ABAT: variants seen among roughly 807,000 people sequenced by gnomAD.
ABAT encodes 4-aminobutyrate aminotransferase, mitochondrial.
ABAT carries 45 observed loss-of-function variants against 64.6 expected under a neutral mutation model. The observed-to-expected ratio is 0.70, with a 90% CI of 0.55 to 0.89. ABAT has a LOEUF of 0.89. Ranked by LOEUF, ABAT falls within the 40% of genes least tolerant of loss-of-function variation. ABAT has a pLI of 0.00. For synonymous variants in ABAT, 297 were observed against 250.5 expected, an observed-to-expected ratio of 1.19 and a Z score of -1.75; for missense variants, 633 against 658.4, an observed-to-expected ratio of 0.96 and a Z score of 0.42.
chr16:8,751,115 AT>A (rs1297561454), intron 5 of ABAT, among the ~76,000 whole-genome samples: 3 of 151,572 alleles, frequency 2.0e-5, no homozygotes, highest in Non-Finnish European at 2.9e-5. Flanking sequence ...TGCCTATCTA[AT>A]TTTTGCATTT....
chr16:8,682,775 C>G (rs536290230), intron 1 of ABAT, among the ~76,000 whole-genome samples: 1 of 152,166 alleles, frequency 6.6e-6, no homozygotes, highest in Non-Finnish European at 1.5e-5. Flanking sequence ...ATTCTAGTAC[C>G]TTACTACTGA....
chr16:8,732,669 C>G (rs1454953113), intron 1 of ABAT, among the ~76,000 whole-genome samples: 1 of 151,416 alleles, frequency 6.6e-6, no homozygotes, highest in Non-Finnish European at 1.5e-5. Flanking sequence ...CTTTTCCCCA[C>G]CTTTCCCGCC....
chr16:8,763,093 A>C (rs1393122086), intron 6 of ABAT, among the ~76,000 whole-genome samples: 2 of 132,176 alleles, frequency 1.5e-5, no homozygotes, highest in African/African-American at 5.8e-5. Context: ...TGAGAGAGCA[A>C]GACCCTGTAA....
chr16:8,739,063 G>A (rs938058116), intron 2 of ABAT, among the ~76,000 whole-genome samples: 7 of 152,322 alleles, frequency 4.6e-5, no homozygotes, highest in Admixed American at 1.3e-4. Context: ...AGAGAGTCTG[G>A]CACAGATGAT....
intron 1 of ABAT, among the ~76,000 whole-genome samples, chr16:8,686,720 A>G (rs923356675): frequency 6.6e-6 from 1 of 152,168 alleles, no homozygotes; most frequent in African/African-American, 2.4e-5. Context: ...ACTGACCCAC[A>G]TGGACGCCTC....
rs1398701977 is a variant in ABAT at position 8,772,726 on chromosome 16, G to A, written c.817-54G>A. On this transcript the variant is annotated intron_variant, in intron 11 of 15. Coordinates refer to ENST00000268251, the MANE Select transcript of ABAT (RefSeq NM_020686.6). ...ATCGAACCCCAGATTCCCACCCACG[G>A]ATACTGGTCACAAGCCTCTGCCATC... 16 of 1,613,162 alleles carry A rather than the reference G, an allele frequency of 9.9e-6. No individual in the cohort carries two copies. In the East Asian group the frequency reaches 2.9e-4, roughly 29 times the overall value.
At chr16:8,685,275 C>G (rs8049263) in intron 1 of ABAT, among the ~76,000 whole-genome samples, 63,354 of 151,554 alleles carry the variant, frequency 0.42, 14,111 homozygotes, top group East Asian at 0.77. Context: ...AATGGAGACC[C>G]TGTCTCAAAA....
intron 1 of ABAT, chr16:8,722,821 G>A (rs1469417241): frequency 3.9e-6 from 5 of 1,289,024 alleles, no homozygotes; most frequent in Non-Finnish European, 5.1e-6. Flanking sequence ...ATCAAAGAGG[G>A]ATATACTAAT....
rs1280441328 is a variant in ABAT, at chr16:8,781,984, G to C, written c.*554G>C. On this transcript the variant is annotated 3_prime_UTR_variant, in exon 16 of 16. Coordinates refer to ENST00000268251, the MANE Select transcript of ABAT (RefSeq NM_020686.6). The surrounding 1 kb of genome is among the most constrained non-coding windows in gnomAD (Gnocchi z 4.5). ...TGAGGAAGGCCGTAAAATGGGGACA[G>C]GAGGATTCAGCTCAGGAGTAAGGGA... The C allele has an allele frequency of 5.4e-6, 1 of 184,922 alleles. No individual in the cohort carries two copies. The highest frequency in any genetic ancestry group is 2.3e-5 in the African/African-American group (1 of 42,772). The allele number at this position is 184,922 out of a possible 1,614,324, so 11.5% of individuals were successfully genotyped here. A position where few individuals can be genotyped will look rare whatever the true frequency, so the allele number is the denominator to read the frequency against.
intron 6 of ABAT, among the ~76,000 whole-genome samples, chr16:8,758,396 T>C (rs2059703804): frequency 6.6e-6 from 1 of 151,494 alleles, no homozygotes; most frequent in Non-Finnish European, 1.5e-5. Flanking sequence ...AGGCCACGAG[T>C]CGGGAGGAAT....
At chr16:8,761,788 G>A (rs2059804227) in intron 6 of ABAT, among the ~76,000 whole-genome samples, 1 of 152,038 alleles carries the variant, frequency 6.6e-6, no homozygotes, top group Non-Finnish European at 1.5e-5. Context: ...GCTTGTACAG[G>A]GCAGGTTCCT....
intron 1 of ABAT, among the ~76,000 whole-genome samples, chr16:8,701,126 C>T (rs1334592138): frequency 1.3e-5 from 2 of 152,024 alleles, no homozygotes; most frequent in Admixed American, 6.6e-5. Context: ...TTAGTAGAGA[C>T]GGGGTTTCAC....
At chr16:8,711,772 A>ATGGATGGG (rs1567279795) in intron 1 of ABAT, among the ~76,000 whole-genome samples, 16,643 of 115,626 alleles carry the variant, frequency 0.14, 1,187 homozygotes, top group Middle Eastern at 0.2. Flanking sequence ...AGATGGATGG[A>ATGGATGGG]TGGATGGATG....
Position 8,764,677 on chromosome 16 carries a change from G to A in ABAT, c.448-61G>A. On this transcript the variant is annotated intron_variant, in intron 7 of 15. Coordinates refer to ENST00000268251, the MANE Select transcript of ABAT (RefSeq NM_020686.6). This position sits in a 1 kb window ranked among gnomAD's most constrained non-coding sequence, Gnocchi z 4.2. ...CCTGCGAAGATTCAGCTCCAGCCAG[G>A]GGAAGCGGGAGGACAGGAGTCATGA... is the stretch of plus-strand genomic sequence containing the variant. 6 of 1,476,076 alleles carry A rather than the reference G, an allele frequency of 4.1e-6. 1 individual carries two copies. The South Asian group carries it at 6.8e-5, about 17-fold the overall frequency. The allele number at this position is 1,476,076 out of a possible 1,614,324, so 91.4% of individuals were successfully genotyped here. A position where few individuals can be genotyped will look rare whatever the true frequency, so the allele number is the denominator to read the frequency against.
intron 2 of ABAT, among the ~76,000 whole-genome samples, chr16:8,743,543 A>G (rs1321239552): frequency 7.5e-6 from 1 of 132,986 alleles, no homozygotes; most frequent in Non-Finnish European, 1.5e-5. Context: ...TTTTAGTTAT[A>G]ATATATTATG....
intron 3 of ABAT, 75 bp from the exon 4 acceptor site, chr16:8,748,033 A>T (rs543625605): frequency 3.4e-6 from 5 of 1,455,038 alleles, no homozygotes; most frequent in Non-Finnish European, 4.8e-6. Context: ...AAGACTTGGG[A>T]AAACATGAAA....
chr16:8,748,041 A>G (rs1427631609), intron 3 of ABAT, 67 bp from the exon 4 acceptor site: 1 of 1,498,752 alleles, frequency 6.7e-7, no homozygotes, highest in African/African-American at 1.4e-5. Flanking sequence ...GGAAAACATG[A>G]AAGATTTTAA....
chr16:8,774,925 C>A lies in ABAT; in HGVS notation c.990C>A (p.Thr330=). 9 of 1,614,058 alleles carry A rather than the reference C, an allele frequency of 5.6e-6. No individual in the cohort carries two copies. The highest frequency in any genetic ancestry group is 7.6e-6 in the Non-Finnish European group (9 of 1,179,978). Residue 330 remains threonine (T), a synonymous_variant, in exon 13 of 16, where the codon ACC becomes ACA. Coordinates refer to ENST00000268251, the MANE Select transcript of ABAT (RefSeq NM_020686.6). The stretch of plus-strand genomic sequence containing the variant: ...CCTTCTTGGTGGACGAGGTCCAGAC[C>A]GGAGGAGGCTGCACGGGCAAGTTCT... ...GCAFLVDEVQ[T]GGGCTGKFWA... is the part of the protein sequence containing the mutation.
chr16:8,678,879 AT>A lies in ABAT; in HGVS notation c.-42+4177del, dbSNP rs376530781. 4.3e-3 allele frequency among the ~76,000 whole-genome samples: 648 copies of A among 151,664 alleles called. 5 individuals are homozygous for A. The highest frequency in any genetic ancestry group is 0.014 in the African/African-American group (586 of 41,322). ...GAATCAACATAGCCAGTATGATCCTATTTTTTTTTAAATGTAAATATGCATG... is the reference window on the plus strand; with the variant it reads ...GAATCAACATAGCCAGTATGATCCTATTTTTTTTAAATGTAAATATGCATG... On this transcript the variant is annotated intron_variant, in intron 1 of 15. Coordinates refer to ENST00000268251, the MANE Select transcript of ABAT (RefSeq NM_020686.6).
Sources: allele counts gnomAD v4.1 joint callset (sites outside exome capture counted in the v4.1 genomes callset), GRCh38; gene constraint gnomAD v4.1.1; non-coding constraint Gnocchi (gnomAD v3.1); transcripts MANE v1.5; gene names NCBI Gene and HGNC (gene_info 2026-07-23, HGNC 2026-07-21).